Variants in PROCR observed in about 807,000 individuals in gnomAD.
PROCR encodes endothelial protein C receptor.
In PROCR, 22 loss-of-function variants were observed where a neutral mutation model predicts 24.2. The observed-to-expected ratio is 0.91, with a 90% CI of 0.65 to 1.30. The LOEUF (loss-of-function observed/expected upper bound fraction) is 1.30, where lower values mean the gene tolerates loss of function less well. Among genes scored for constraint, PROCR ranks in the 50% most tolerant of loss-of-function variants. The pLI, the probability that PROCR is intolerant of heterozygous loss-of-function variation, is 0.00. For missense variants in PROCR, 288 were observed against 307.7 expected (o/e 0.94, Z 0.48); for synonymous variants, 137 against 139.2 (o/e 0.98, Z 0.11).
chr20:35,187,168 A>G (rs2086135475), intron 1 of PROCR, among the ~76,000 whole-genome samples: 1 of 152,090 alleles, frequency 6.6e-6, no homozygotes. Context: ...CTCCCACCTC[A>G]GCTTCCTGAG....
At chr20:35,215,425 C>G (rs772402744) in intron 1 of PROCR, among the ~76,000 whole-genome samples, 1 of 152,174 alleles carries the variant, frequency 6.6e-6, no homozygotes, top group Admixed American at 6.6e-5. Flanking sequence ...ACCTCACTCC[C>G]CTCTGAAATC....
At chr20:35,187,946 G>T (rs941210235) in intron 1 of PROCR, among the ~76,000 whole-genome samples, 1 of 152,148 alleles carries the variant, frequency 6.6e-6, no homozygotes, top group African/African-American at 2.4e-5. Flanking sequence ...GGTCAGTTAC[G>T]TGGCAGCCAG....
downstream of PROCR, among the ~76,000 whole-genome samples, chr20:35,181,301 G>A (rs572590216): frequency 1.2e-4 from 17 of 146,128 alleles, no homozygotes; most frequent in Non-Finnish European, 1.1e-4. Context: ...TTGAGATGGA[G>A]TCTCACTCTG....
chr20:35,174,851 C>A lies in PROCR; in HGVS notation c.220C>A (p.Gln74Lys), dbSNP rs761056226. Residue 74 changes from glutamine (Q) to lysine (K), a missense_variant, in exon 2 of 4, where the codon CAG becomes AAG. Gln to Lys is a moderately conservative substitution (Grantham distance 53, BLOSUM62 1). Coordinates refer to ENST00000216968, the MANE Select transcript of PROCR (RefSeq NM_006404.5). ...NTTIIQLQPL[Q>K]EPESWARTQS... is the part of the protein sequence containing the mutation. Reference sequence around the variant, plus strand: ...CACGATCATTCAGCTGCAGCCCTTGCAGGAGCCCGAGAGCTGGGCGCGCAC... The same window carrying A: ...CACGATCATTCAGCTGCAGCCCTTGAAGGAGCCCGAGAGCTGGGCGCGCAC... 1 of 1,613,966 alleles carries A rather than the reference C, an allele frequency of 6.2e-7. No individual in the cohort carries two copies. The highest frequency in any genetic ancestry group is 1.7e-5 in the Admixed American group (1 of 59,994).
chr20:35,207,103 G>T (rs1291033648), intron 1 of PROCR, among the ~76,000 whole-genome samples: 2 of 152,094 alleles, frequency 1.3e-5, no homozygotes, highest in Non-Finnish European at 2.9e-5. Context: ...ACAACATATT[G>T]TATGGTTCCA....
chr20:35,192,935 TACA>T (rs1487437143), intron 1 of PROCR, among the ~76,000 whole-genome samples: 2 of 152,134 alleles, frequency 1.3e-5, no homozygotes, highest in Non-Finnish European at 2.9e-5. Context: ...TAATGGAATA[TACA>T]ACGAGAGTAG....
At chr20:35,181,570 G>T (rs1006255765), downstream of PROCR, among the ~76,000 whole-genome samples, 1 of 152,198 alleles carries the variant, frequency 6.6e-6, no homozygotes, top group Non-Finnish European at 1.5e-5. Context: ...ACTGTGCCCG[G>T]CCCCTCAAAT....
intron 1 of PROCR, among the ~76,000 whole-genome samples, chr20:35,191,235 A>G (rs2086170790): frequency 6.6e-6 from 1 of 152,136 alleles, no homozygotes; most frequent in South Asian, 2.1e-4. Flanking sequence ...GTAACCTGCT[A>G]TTGTTCTTCT....
intron 1 of PROCR, among the ~76,000 whole-genome samples, chr20:35,206,133 A>G (rs983865134): frequency 6.6e-6 from 1 of 151,450 alleles, no homozygotes; most frequent in Non-Finnish European, 1.5e-5. Flanking sequence ...CAGCCTCCCA[A>G]AGCACTAGGA....
intron 1 of PROCR, among the ~76,000 whole-genome samples, chr20:35,186,974 A>T (rs1460474888): frequency 6.6e-6 from 1 of 152,116 alleles, no homozygotes; most frequent in East Asian, 1.9e-4. Context: ...AGAAAAAAAA[A>T]TAGCAATAGC....
rs199997508 is a variant in PROCR, at chr20:35,176,353, G to A, written c.508G>A (p.Ala170Thr). 6.4e-5 allele frequency: 103 copies of A among 1,614,252 alleles called. No individual in the cohort carries two copies. Among genetic ancestry groups the A allele is most frequent in the Non-Finnish European group, 8.3e-5 (98 of 1,180,052 alleles). Residue 170 changes from alanine to threonine, a missense_variant, in exon 3 of 4, where the codon GCC becomes ACC. Coordinates refer to ENST00000216968, the MANE Select transcript of PROCR (RefSeq NM_006404.5). ...VVTFTLQQLN[A>T]YNRTRYELRE... The stretch of plus-strand genomic sequence containing the variant: ...CACCTTCACCCTGCAGCAGCTCAAT[G>A]CCTACAACCGCACTCGGTATGAACT...
intron 1 of PROCR, among the ~76,000 whole-genome samples, chr20:35,215,522 C>T (rs1011383448): frequency 2.0e-5 from 3 of 150,628 alleles, no homozygotes; most frequent in Non-Finnish European, 4.4e-5. Flanking sequence ...AACCTGAAGA[C>T]GGCCTCACTT....
At chr20:35,183,847 C>T (rs995832143) in intron 1 of PROCR, among the ~76,000 whole-genome samples, 2 of 152,100 alleles carry the variant, frequency 1.3e-5, no homozygotes, top group Non-Finnish European at 2.9e-5. Context: ...CCAATAAGCA[C>T]ATGAAAAGAT....
At chr20:35,182,835 A>G (rs6088759) in intron 1 of PROCR, among the ~76,000 whole-genome samples, 1 of 152,074 alleles carries the variant, frequency 6.6e-6, no homozygotes, top group Admixed American at 6.6e-5. Flanking sequence ...TTAGCCAGGC[A>G]TGGTGGCACG....
intron 1 of PROCR, 50 bp from the exon 2 acceptor site, chr20:35,174,652 C>A: frequency 6.2e-7 from 1 of 1,610,894 alleles, no homozygotes; most frequent in South Asian, 1.1e-5. Flanking sequence ...CTTCCGCTGC[C>A]CGCCGCCCCC....
At chr20:35,197,024 A>G (rs2086221969) in intron 1 of PROCR, among the ~76,000 whole-genome samples, 1 of 152,208 alleles carries the variant, frequency 6.6e-6, no homozygotes, top group Non-Finnish European at 1.5e-5. Context: ...TTACAGATTG[A>G]AGGTTTATGG....
intron 1 of PROCR, chr20:35,202,178 A>G (rs2060320859): frequency 6.6e-6 from 1 of 152,196 alleles, no homozygotes; most frequent in African/African-American, 2.4e-5. Flanking sequence ...ATAAACTAAC[A>G]ATTTTTAATA....
downstream of PROCR, among the ~76,000 whole-genome samples, chr20:35,180,537 GC>G (rs1447785455): frequency 6.6e-6 from 1 of 152,182 alleles, no homozygotes; most frequent in Non-Finnish European, 1.5e-5. Context: ...AGAGCTCCCT[GC>G]CAGGGAGGCT....
upstream of PROCR, among the ~76,000 whole-genome samples, chr20:35,171,887 A>G (rs1336812240): frequency 1.3e-5 from 2 of 152,124 alleles, no homozygotes; most frequent in Non-Finnish European, 2.9e-5. Context: ...GGAGAAGGGA[A>G]AAGGCAGGTC....
Sources: gnomAD v4.1 joint callset for allele counts (sites outside exome capture counted in the v4.1 genomes callset) on GRCh38, gnomAD v4.1.1 for gene constraint, MANE v1.5 for transcripts, NCBI Gene and HGNC (gene_info 2026-07-23, HGNC 2026-07-21) for gene names.